Variants in ASPG observed in about 807,000 individuals in gnomAD.
ASPG encodes the protein 60 kDa lysophospholipase.
ASPG carries 53 observed loss-of-function variants against 63.2 expected under a neutral mutation model. That is an observed-to-expected ratio of 0.84 (90% CI 0.67 to 1.05). The LOEUF (loss-of-function observed/expected upper bound fraction) is 1.05, where lower values mean the gene tolerates loss of function less well. Ranked by LOEUF, ASPG falls within the 50% of genes least tolerant of loss-of-function variation. The probability of loss-of-function intolerance (pLI) is 0.00; values close to 1 mark genes in which losing one functional copy is unlikely to be tolerated. For synonymous variants in ASPG, 370 were observed against 355.0 expected, an observed-to-expected ratio of 1.04 and a Z score of -0.48; for missense variants, 741 against 794.4, an observed-to-expected ratio of 0.93 and a Z score of 0.81.
At chr14:104,106,758 A>G in intron 10 of ASPG, 41 bp from the exon 11 acceptor site, 1 of 1,526,456 alleles carries the variant, frequency 6.6e-7, no homozygotes, top group Non-Finnish European at 8.9e-7. Context: ...CCAGATGCCA[A>G]AGGGAGGCGT....
chr14:104,104,512 C>A, intron 8 of ASPG, 26 bp downstream of exon 8: 1 of 1,606,656 alleles, frequency 6.2e-7, no homozygotes, highest in Non-Finnish European at 8.5e-7. Flanking sequence ...CAGGGCCTAG[C>A]GGGGAAGGGG....
At chr14:104,102,311 C>T (rs572244897) in intron 6 of ASPG, among the ~76,000 whole-genome samples, 3 of 152,248 alleles carry the variant, frequency 2.0e-5, no homozygotes, top group East Asian at 1.9e-4. Context: ...ACATCTCCCC[C>T]CTTCAGCTCC....
Position 104,107,353 on chromosome 14 carries a change from A to C in ASPG, c.1433+8A>C. 1 of 1,554,650 alleles carries C rather than the reference A, an allele frequency of 6.4e-7. No homozygotes were observed. Among genetic ancestry groups the C allele is most frequent in the Non-Finnish European group, 8.7e-7 (1 of 1,148,026 alleles). ...GCTGGCCGTGCGGGGCAGGTAATGGAGCTAGGGCTGCACAGAGCTGCCTTG... is the reference window on the plus strand; with the variant it reads ...GCTGGCCGTGCGGGGCAGGTAATGGCGCTAGGGCTGCACAGAGCTGCCTTG... On this transcript the variant is annotated splice_region_variant and intron_variant, in intron 12 of 15. Transcript: ENST00000551177.
intron 10 of ASPG, 69 bp downstream of exon 10, chr14:104,105,519 C>T: frequency 6.8e-7 from 1 of 1,471,636 alleles, no homozygotes; most frequent in Admixed American, 2.4e-5. Flanking sequence ...CCCTGGGATG[C>T]ACCAGGCAGG....
intron 4 of ASPG, 92 bp downstream of exon 4, chr14:104,095,748 G>A: frequency 6.5e-7 from 1 of 1,532,158 alleles, no homozygotes; most frequent in Non-Finnish European, 8.9e-7. Context: ...GGGACCCCGG[G>A]CTTCCTGCTC....
chr14:104,106,935 C>G, intron 11 of ASPG, 41 bp downstream of exon 11: 1 of 1,532,992 alleles, frequency 6.5e-7, no homozygotes, highest in East Asian at 2.4e-5. Context: ...CCAGCCACGC[C>G]TGGCCTGGGG....
At chr14:104,098,580 C>T (rs537163919) in intron 5 of ASPG, among the ~76,000 whole-genome samples, 33 of 152,268 alleles carry the variant, frequency 2.2e-4, no homozygotes, top group African/African-American at 7.7e-4. Flanking sequence ...AGTACGGTAC[C>T]CTCCTGCCAC....
intron 4 of ASPG, among the ~76,000 whole-genome samples, chr14:104,096,713 G>A (rs796518479): frequency 1.1e-4 from 16 of 152,314 alleles, no homozygotes; most frequent in African/African-American, 3.1e-4. Flanking sequence ...GGCCTGTGCC[G>A]GGACATCCTT....
chr14:104,108,387 C>G (rs2037237362), intron 12 of ASPG: 1 of 985,126 alleles, frequency 1.0e-6, no homozygotes, highest in South Asian at 4.7e-5. Context: ...TCGTCTCCTC[C>G]TGACTCACAG....
chr14:104,094,287 T>C (rs1229299818), intron 3 of ASPG, among the ~76,000 whole-genome samples: 1 of 152,072 alleles, frequency 6.6e-6, no homozygotes, highest in Non-Finnish European at 1.5e-5. Flanking sequence ...GCAAGCTCCT[T>C]GTGCGTGGCT....
At chr14:104,090,472 G>C (rs2036334788) in intron 1 of ASPG, among the ~76,000 whole-genome samples, 1 of 152,384 alleles carries the variant, frequency 6.6e-6, no homozygotes, top group South Asian at 2.1e-4. Context: ...TTCGTTCTGG[G>C]TTCTGGAGGC....
chr14:104,093,428 A>G (rs764579955), intron 2 of ASPG, 63 bp from the exon 3 acceptor site: 29 of 1,421,354 alleles, frequency 2.0e-5, no homozygotes, highest in Non-Finnish European at 2.8e-5. Flanking sequence ...CAGGGCATTT[A>G]GAGCAGGAGG....
At chr14:104,090,967 G>A (rs1011315774) in intron 1 of ASPG, among the ~76,000 whole-genome samples, 15 of 152,166 alleles carry the variant, frequency 9.9e-5, no homozygotes, top group African/African-American at 3.6e-4. Flanking sequence ...CCAGATTCAA[G>A]TGATTCTCCC....
In ASPG at chr14:104,105,330, G is replaced by A. The variant is rs2037073524; in HGVS notation, c.1053G>A (p.Leu351=). 6.2e-7 allele frequency: 1 copy of A among 1,612,664 alleles called. No individual in the cohort carries two copies. Among genetic ancestry groups the A allele is most frequent in the Non-Finnish European group, 8.5e-7 (1 of 1,179,782 alleles). Residue 351 remains leucine, a splice_region_variant and synonymous_variant, in exon 10 of 16, where the codon CTG becomes CTA. Coordinates refer to ENST00000551177, the MANE Select transcript of ASPG (RefSeq NM_001080464.3). ...TTCACCTCTGTTCTCTCCACCAGCT[G>A]CTGACCAAGGACCTTCGGGGGGAGA... ...PGLSLDVRKE[L]LTKDLRGEMT...
chr14:104,111,953 T>C lies in ASPG; in HGVS notation c.1654T>C (p.Phe552Leu). 1 of 1,558,144 alleles carries C rather than the reference T, an allele frequency of 6.4e-7. No individual in the cohort carries two copies. Among genetic ancestry groups the C allele is most frequent in the Non-Finnish European group, 8.7e-7 (1 of 1,150,752 alleles). ...AGCCGGGAACCTGGCAGTGGTGGCC[T>C]TTCTACAGAGCCTGGAGGGTGCGGT... ...EAAGNLAVVA[F>L]LQSLEGAVGA... The change falls in exon 15 of 16, where the codon TTT (phenylalanine) becomes CTT (leucine). Residue 552 changes from phenylalanine (F) to leucine (L), a missense_variant. Coordinates refer to ENST00000551177, the MANE Select transcript of ASPG (RefSeq NM_001080464.3).
intron 1 of ASPG, among the ~76,000 whole-genome samples, chr14:104,092,016 G>A (rs2036384106): frequency 6.6e-6 from 1 of 152,092 alleles, no homozygotes; most frequent in Admixed American, 6.5e-5. Context: ...CTGTGCACTT[G>A]CTGTGTGCTA....
intron 10 of ASPG, 87 bp from the exon 11 acceptor site, chr14:104,106,712 G>A: frequency 2.5e-6 from 3 of 1,206,704 alleles, no homozygotes; most frequent in South Asian, 1.4e-5. Flanking sequence ...GTGGGGGCTG[G>A]CAGGGGTCAT....
chr14:104,098,050 CGT>C (rs1261897436), intron 5 of ASPG, among the ~76,000 whole-genome samples: 1,600 of 82,616 alleles, frequency 0.019, 543 homozygotes, highest in Non-Finnish European at 0.026. Context: ...GGAGGTTTTG[CGT>C]TAGAGATGCG....
intron 3 of ASPG, among the ~76,000 whole-genome samples, 177 bp from the exon 4 acceptor site, chr14:104,095,354 A>G (rs576838013): frequency 6.6e-6 from 1 of 152,214 alleles, no homozygotes; most frequent in East Asian, 1.9e-4. Context: ...AGAGCGTGGG[A>G]GTCCCAGGAC....
Sources: allele counts gnomAD v4.1 joint callset (sites outside exome capture counted in the v4.1 genomes callset), GRCh38; gene constraint gnomAD v4.1.1; transcripts MANE v1.5; gene names NCBI Gene and HGNC (gene_info 2026-07-23, HGNC 2026-07-21).